The following KATNIP variants were observed in gnomAD, a reference collection of about 807,000 sequenced individuals.
The protein encoded by KATNIP is katanin-interacting protein.
A neutral mutation model predicts 174.0 loss-of-function variants in KATNIP; 126 were observed. That is an observed-to-expected ratio of 0.72 (90% CI 0.63 to 0.84). KATNIP has a LOEUF of 0.84. Ranked by LOEUF, KATNIP falls within the 40% of genes least tolerant of loss-of-function variation. KATNIP has a pLI of 0.00. For synonymous variants in KATNIP, 810 were observed against 835.7 expected (o/e 0.97, Z 0.53); for missense variants, 1,958 against 2,109.7 (o/e 0.93, Z 1.41).
intron 15 of KATNIP, 97 bp from the exon 16 acceptor site, chr16:27,749,487 C>G: frequency 7.2e-7 from 1 of 1,397,400 alleles, no homozygotes; most frequent in Non-Finnish European, 9.6e-7. Context: ...GGTGGCCCTG[C>G]CTCACTGAGA....
chr16:27,766,568 C>A, intron 20 of KATNIP, 94 bp downstream of exon 20: 1 of 1,339,818 alleles, frequency 7.5e-7, no homozygotes, highest in Non-Finnish European at 1.0e-6. Context: ...GAGCATAAAT[C>A]CTCCAGAATT....
chr16:27,681,954 G>T (rs777631285), intron 8 of KATNIP, among the ~76,000 whole-genome samples: 2 of 152,300 alleles, frequency 1.3e-5, no homozygotes, highest in Non-Finnish European at 2.9e-5. Context: ...ATCCAAAAAT[G>T]CTCCTTCAGA....
intron 10 of KATNIP, among the ~76,000 whole-genome samples, chr16:27,701,152 A>T (rs1215419250): frequency 6.6e-6 from 1 of 151,208 alleles, no homozygotes; most frequent in African/African-American, 2.4e-5. Context: ...TGGTGAGAGG[A>T]TTTTTTTTTA....
intron 24 of KATNIP, among the ~76,000 whole-genome samples, chr16:27,775,808 TG>T (rs1426549447): frequency 6.6e-6 from 1 of 152,102 alleles, no homozygotes; most frequent in Admixed American, 6.6e-5. Flanking sequence ...TGGGACTGAG[TG>T]GGGGATCGGG....
In KATNIP at chr16:27,671,505, C is replaced by T. The variant is rs778321764; in HGVS notation, c.541-6224C>T. ...TTCTCTATTATAAAGGATGCCTCAA[C>T]GATCTTTGTGTACTTAGGACTAAAG... is the stretch of plus-strand genomic sequence containing the variant. On this transcript the variant is annotated intron_variant, in intron 6 of 27. Coordinates refer to ENST00000261588, the MANE Select transcript of KATNIP (RefSeq NM_015202.5). Among the ~76,000 whole-genome samples the T allele has an allele frequency of 5.7e-4, 87 of 152,148 alleles. 1 individual carries two copies. The highest frequency in any genetic ancestry group is 1.1e-3 in the Non-Finnish European group (76 of 68,032).
intron 5 of KATNIP, among the ~76,000 whole-genome samples, chr16:27,644,014 A>G (rs1056169982): frequency 1.3e-4 from 18 of 135,062 alleles, no homozygotes; most frequent in African/African-American, 4.6e-4. Flanking sequence ...TTCCAGAGAC[A>G]TAATCTTTTT....
At chr16:27,597,402 CTTTTTTT>C (rs36005993) in intron 2 of KATNIP, among the ~76,000 whole-genome samples, 14 of 46,148 alleles carry the variant, frequency 3.0e-4, no homozygotes, top group Admixed American at 2.7e-3. Context: ...ATTTTCTTTT[CTTTTTTT>C]TTTTTTTTTT....
intron 9 of KATNIP, 33 bp from the exon 10 acceptor site, chr16:27,699,501 C>T: frequency 6.2e-7 from 1 of 1,613,188 alleles, no homozygotes; most frequent in Non-Finnish European, 8.5e-7. Context: ...TGGCTTTGTT[C>T]CAACATCACA....
chr16:27,585,436 A>G lies in KATNIP; in HGVS notation c.63+11480A>G, dbSNP rs536353645. Among the ~76,000 whole-genome samples the G allele has an allele frequency of 5.1e-4, 77 of 152,348 alleles. 2 individuals are homozygous for G. Among genetic ancestry groups the G allele is most frequent in the African/African-American group, 1.8e-3 (75 of 41,588 alleles). On this transcript the variant is annotated intron_variant, in intron 2 of 27. Coordinates refer to ENST00000261588, the MANE Select transcript of KATNIP (RefSeq NM_015202.5). ...CCGCTCCTAAATGTATACACAGAAGAAAGGAAGTGGGTATATCGAAGGGAT... is the reference window on the plus strand; with the variant it reads ...CCGCTCCTAAATGTATACACAGAAGGAAGGAAGTGGGTATATCGAAGGGAT...
Position 27,713,852 on chromosome 16 carries a change from ATATATC to A in KATNIP, c.1605+4936_1605+4941del, listed in dbSNP as rs200907972. Among the ~76,000 whole-genome samples the A allele has an allele frequency of 7.2e-3, 529 of 73,862 alleles. 20 individuals are homozygous for A. The highest frequency in any genetic ancestry group is 9.6e-3 in the African/African-American group (172 of 17,968). 48.5% of individuals were successfully genotyped at this position (73,862 alleles called of 152,430 possible). Reference sequence around the variant, plus strand: ...TATATATATATATATATATATATATATATATCTATCTCAGATTGTGCCCTTCCCCTA... The same window carrying A: ...TATATATATATATATATATATATATATATCTCAGATTGTGCCCTTCCCCTA... On this transcript the variant is annotated intron_variant, in intron 13 of 27. Coordinates refer to ENST00000261588, the MANE Select transcript of KATNIP (RefSeq NM_015202.5).
chr16:27,628,550 C>A, intron 3 of KATNIP, 111 bp from the exon 4 acceptor site: 1 of 1,176,742 alleles, frequency 8.5e-7, no homozygotes, highest in Non-Finnish European at 1.2e-6. Context: ...GCCCCCTGGG[C>A]TCTGATTAGA....
At chr16:27,581,740 C>A (rs961761560) in intron 2 of KATNIP, among the ~76,000 whole-genome samples, 1 of 152,162 alleles carries the variant, frequency 6.6e-6, no homozygotes, top group African/African-American at 2.4e-5. Flanking sequence ...CCCTCACCCC[C>A]TTCCCACCCT....
intron 2 of KATNIP, among the ~76,000 whole-genome samples, chr16:27,578,417 G>A (rs909352308): frequency 6.6e-6 from 1 of 151,798 alleles, no homozygotes; most frequent in Non-Finnish European, 1.5e-5. Flanking sequence ...GGCCCTAAAG[G>A]CACTTCAGTT....
At chr16:27,769,780 G>A in intron 20 of KATNIP, 81 bp from the exon 21 acceptor site, 1 of 1,526,430 alleles carries the variant, frequency 6.6e-7, no homozygotes, top group Non-Finnish European at 9.0e-7. Context: ...ACAGCTGCCA[G>A]CAGCTCCGGT....
chr16:27,676,703 G>A (rs2078130200), intron 6 of KATNIP, among the ~76,000 whole-genome samples: 1 of 152,114 alleles, frequency 6.6e-6, no homozygotes, highest in Non-Finnish European at 1.5e-5. Context: ...GTGTGTGTGT[G>A]TGTGTATCTC....
chr16:27,713,854 A>ATATATATATATATATCTATC (rs1555482296), intron 13 of KATNIP, among the ~76,000 whole-genome samples: 1 of 69,314 alleles, frequency 1.4e-5, no homozygotes, highest in Non-Finnish European at 2.8e-5. Context: ...ATATATATAT[A>ATATATATATATATATCTATC]TATCTATCTC....
In KATNIP at chr16:27,740,367, C is replaced by T. The variant is rs372827285; in HGVS notation, c.2070C>T (p.Asp690=). 52 of 1,614,012 alleles carry T rather than the reference C, an allele frequency of 3.2e-5. No homozygotes were observed. The highest frequency in any genetic ancestry group is 4.4e-5 in the Non-Finnish European group (52 of 1,179,986). ...AGAATTCTACTAATTGCAGGAAAGA[C>T]AGTTTGTCCCAGTTAGAGGAATATT... The part of the protein sequence containing the change: ...KRKNSTNCRK[D]SLSQLEEYLR... The change falls in exon 15 of 28, where the codon GAC becomes GAT. Residue 690 remains aspartate, a synonymous_variant. Transcript: ENST00000261588.
intron 3 of KATNIP, among the ~76,000 whole-genome samples, chr16:27,620,829 T>A (rs576201179): frequency 6.6e-6 from 1 of 152,374 alleles, no homozygotes; most frequent in Admixed American, 6.5e-5. Flanking sequence ...TTTCTTTTAT[T>A]CATTTAGCAG....
intron 22 of KATNIP, 120 bp from the exon 23 acceptor site, chr16:27,772,979 A>G: frequency 1.6e-6 from 1 of 626,480 alleles, no homozygotes; most frequent in Non-Finnish European, 2.8e-6. Context: ...AATAAGAGAA[A>G]AATGTTTTTC....
Sources: allele counts gnomAD v4.1 joint callset (sites outside exome capture counted in the v4.1 genomes callset), GRCh38; gene constraint gnomAD v4.1.1; transcripts MANE v1.5; gene names NCBI Gene and HGNC (gene_info 2026-07-23, HGNC 2026-07-21).